EDIL3: variants seen among roughly 807,000 people sequenced by gnomAD.
EDIL3 encodes EGF-like repeat and discoidin I-like domain-containing protein 3.
EDIL3 carries 37 observed loss-of-function variants against 67.4 expected under a neutral mutation model. The observed-to-expected ratio is 0.55, with a 90% confidence interval of 0.42 to 0.72. EDIL3 has a LOEUF of 0.72. EDIL3 is among the 30% of genes least tolerant of loss of function. The pLI, the probability that EDIL3 is intolerant of heterozygous loss-of-function variation, is 0.00. For missense variants in EDIL3, 527 were observed against 586.3 expected (o/e 0.90, Z 1.04); for synonymous variants, 195 against 196.3 (o/e 0.99, Z 0.05).
chr5:84,167,995 T>C lies in EDIL3; in HGVS notation c.355+12398A>G, dbSNP rs536298489. Among the ~76,000 whole-genome samples, 80 of 152,312 alleles carry C rather than the reference T, an allele frequency of 5.3e-4. 1 individual carries two copies. The highest frequency in any genetic ancestry group is 2.0e-4 in the Admixed American group (3 of 15,292). ...TGGAAATATTTCAATTTAAGATATA[T>C]CATATAAAATGATTAAAATCTCCTG... On this transcript the variant is annotated intron_variant, in intron 4 of 10. Transcript: ENST00000296591.
chr5:84,350,624 T>C (rs929447286), intron 1 of EDIL3, among the ~76,000 whole-genome samples: 1 of 152,132 alleles, frequency 6.6e-6, no homozygotes, highest in African/African-American at 2.4e-5. Context: ...TTCTATTATC[T>C]AGCTTTTTTA....
rs562522799 is a variant in EDIL3 at position 84,382,429 on chromosome 5, C to CA, written c.67+1878dup. ...AGCCAGGCAAGCGCGGCCACATAGGCAAGCGCGGCCACATAGGCTAGACGC... is the reference window on the plus strand; with the variant it reads ...AGCCAGGCAAGCGCGGCCACATAGGCAAAGCGCGGCCACATAGGCTAGACGC... On this transcript the variant is annotated intron_variant, in intron 1 of 10. Coordinates refer to ENST00000296591, the MANE Select transcript of EDIL3 (RefSeq NM_005711.5). Among the ~76,000 whole-genome samples the CA allele has an allele frequency of 5.3e-3, 810 of 152,242 alleles. 4 individuals carry two copies. The highest frequency in any genetic ancestry group is 8.4e-3 in the Non-Finnish European group (573 of 68,014).
At chr5:83,949,440 T>C (rs185087714) in intron 10 of EDIL3, among the ~76,000 whole-genome samples, 23 of 152,014 alleles carry the variant, frequency 1.5e-4, no homozygotes, top group Non-Finnish European at 1.5e-5. Context: ...AATCTACAGA[T>C]AAGAGATCAA....
chr5:84,159,988 G>A (rs922608577), intron 4 of EDIL3, among the ~76,000 whole-genome samples: 3 of 151,990 alleles, frequency 2.0e-5, no homozygotes, highest in Non-Finnish European at 4.4e-5. Flanking sequence ...TGTGTTGTTG[G>A]CATTTTCTTC....
chr5:84,243,139 G>T (rs1744832533), intron 2 of EDIL3, among the ~76,000 whole-genome samples: 1 of 152,148 alleles, frequency 6.6e-6, no homozygotes, highest in Non-Finnish European at 1.5e-5. Flanking sequence ...AGGGAAAAGG[G>T]TGAGGAAAAA....
intron 1 of EDIL3, among the ~76,000 whole-genome samples, chr5:84,278,311 C>G (rs182019764): frequency 6.6e-6 from 1 of 152,264 alleles, no homozygotes; most frequent in African/African-American, 2.4e-5. Context: ...TCATCTGTAA[C>G]TAAATATAGC....
intron 3 of EDIL3, among the ~76,000 whole-genome samples, chr5:84,206,590 AC>A (rs1415455684): frequency 3.3e-5 from 5 of 152,148 alleles, no homozygotes; most frequent in Admixed American, 6.5e-5. Flanking sequence ...AGAGACACAA[AC>A]AAAAAAGAGA....
chr5:84,363,446 CAAA>C (rs34829764), intron 1 of EDIL3, among the ~76,000 whole-genome samples: 7 of 76,630 alleles, frequency 9.1e-5, no homozygotes, highest in African/African-American at 9.1e-5. Flanking sequence ...AAGACTCTGT[CAAA>C]AAAAAAAAAA....
chr5:84,237,288 G>A (rs992607228), intron 2 of EDIL3, among the ~76,000 whole-genome samples: 3 of 152,032 alleles, frequency 2.0e-5, no homozygotes, highest in Non-Finnish European at 4.4e-5. Context: ...GAATTGATCA[G>A]CAATACTGGC....
intron 2 of EDIL3, among the ~76,000 whole-genome samples, chr5:84,242,225 C>T (rs1417930909): frequency 6.6e-6 from 1 of 150,420 alleles, no homozygotes; most frequent in African/African-American, 2.5e-5. Flanking sequence ...GAGCGAGACT[C>T]TGTCTCAAAA....
At chr5:84,203,732 T>C (rs572307363) in intron 3 of EDIL3, among the ~76,000 whole-genome samples, 60 of 152,326 alleles carry the variant, frequency 3.9e-4, no homozygotes, top group South Asian at 2.9e-3. Context: ...CTTATCTCAT[T>C]TTTAGACTCA....
At chr5:83,984,366 G>GA (rs1355274498) in intron 9 of EDIL3, among the ~76,000 whole-genome samples, 1 of 152,106 alleles carries the variant, frequency 6.6e-6, no homozygotes, top group Admixed American at 6.6e-5. Context: ...ATAGAGCAGA[G>GA]ACCTGGGCAT....
chr5:84,264,449 A>G (rs984108044), intron 1 of EDIL3, among the ~76,000 whole-genome samples: 1 of 152,144 alleles, frequency 6.6e-6, no homozygotes, highest in African/African-American at 2.4e-5. Context: ...TAAAATGTCA[A>G]CATGTACCCC....
At chr5:83,954,755 T>C (rs936525396) in intron 10 of EDIL3, among the ~76,000 whole-genome samples, 17 of 151,780 alleles carry the variant, frequency 1.1e-4, no homozygotes, top group Admixed American at 2.0e-4. Context: ...AATGACATAG[T>C]TTCTATCATA....
chr5:84,039,270 G>C (rs1203583180), intron 9 of EDIL3, among the ~76,000 whole-genome samples: 4 of 152,052 alleles, frequency 2.6e-5, no homozygotes, highest in Non-Finnish European at 5.9e-5. Context: ...TCCCCAAATA[G>C]AAAATATTAT....
intron 2 of EDIL3, among the ~76,000 whole-genome samples, chr5:84,249,425 AT>A (rs2112070295): frequency 7.2e-6 from 1 of 138,676 alleles, no homozygotes; most frequent in East Asian, 2.1e-4. Context: ...CTATCTATCT[AT>A]CTATCATCTA....
intron 1 of EDIL3, among the ~76,000 whole-genome samples, chr5:84,270,571 C>T (rs866730644): frequency 1.4e-4 from 22 of 152,044 alleles, no homozygotes; most frequent in African/African-American, 4.6e-4. Flanking sequence ...AATATGTATA[C>T]TGAGAGGGTG....
chr5:84,151,846 G>C (rs1345227280), intron 4 of EDIL3, among the ~76,000 whole-genome samples: 1 of 151,446 alleles, frequency 6.6e-6, no homozygotes, highest in Non-Finnish European at 1.5e-5. Context: ...CTATTCAAGA[G>C]ATTGTAATTT....
intron 10 of EDIL3, among the ~76,000 whole-genome samples, chr5:83,947,156 C>G (rs115299593): frequency 6.6e-6 from 1 of 151,774 alleles, no homozygotes; most frequent in South Asian, 2.1e-4. Context: ...ATAGTCGAAC[C>G]GCATCTGGGA....
Sources: allele counts gnomAD v4.1 joint callset (sites outside exome capture counted in the v4.1 genomes callset), GRCh38; gene constraint gnomAD v4.1.1; transcripts MANE v1.5; gene names NCBI Gene and HGNC (gene_info 2026-07-23, HGNC 2026-07-21).